Variants in KIF5B observed in about 807,000 individuals in gnomAD.
The protein encoded by KIF5B is kinesin-1 heavy chain.
KIF5B carries 49 observed loss-of-function variants against 132.8 expected under a neutral mutation model. The observed-to-expected ratio is 0.37, with a 90% confidence interval of 0.29 to 0.47. The LOEUF is 0.47. Ranked by LOEUF, KIF5B falls within the 20% of genes least tolerant of loss-of-function variation. The pLI, the probability that KIF5B is intolerant of heterozygous loss-of-function variation, is 1.00. For missense variants in KIF5B, 780 were observed against 1,144.0 expected, an observed-to-expected ratio of 0.68 and a Z score of 4.59; for synonymous variants, 355 against 369.4, an observed-to-expected ratio of 0.96 and a Z score of 0.45.
chr10:32,011,929 TAA>T (rs146662607), intron 25 of KIF5B, among the ~76,000 whole-genome samples: 15,121 of 147,874 alleles, frequency 0.1, 849 homozygotes, highest in Non-Finnish European at 0.12. Flanking sequence ...ATAGAAGCTT[TAA>T]AAAAAAAAGG....
At chr10:32,023,506 G>A (rs1348907481) in intron 15 of KIF5B, among the ~76,000 whole-genome samples, 1 of 152,134 alleles carries the variant, frequency 6.6e-6, no homozygotes, top group African/African-American at 2.4e-5. Context: ...TTCACCTTCA[G>A]GAAGAAATAA....
chr10:32,043,459 T>C lies in KIF5B; in HGVS notation c.215-3002A>G, dbSNP rs201917483. On this transcript the variant is annotated intron_variant, in intron 2 of 25. Transcript: ENST00000302418. ...AGACCTGCTCTTAACCACTGTACTA[T>C]ATACTCAAGGAGCAGAGGAACCAAA... Among the ~76,000 whole-genome samples the C allele has an allele frequency of 7.2e-5, 11 of 152,130 alleles. No homozygotes were observed. The East Asian group carries it at 2.1e-3, about 29-fold the overall frequency.
Position 32,048,679 on chromosome 10 carries a change from C to T in KIF5B, c.127-128G>A, listed in dbSNP as rs1841648250. ...ATACCTAGTATGCATAATTTGGTAT[C>T]ATTGAATCTTTGAAGTAGAAGGGAT... On this transcript the variant is annotated intron_variant, in intron 1 of 25. Coordinates refer to ENST00000302418, the MANE Select transcript of KIF5B (RefSeq NM_004521.3). 7 of 593,880 alleles carry T rather than the reference C, an allele frequency of 1.2e-5. No individual in the cohort carries two copies. The South Asian group carries it at 1.3e-4, about 11-fold the overall frequency. 36.8% of individuals were successfully genotyped at this position (593,880 alleles called of 1,614,324 possible). A position where few individuals can be genotyped will look rare whatever the true frequency, so the allele number is the denominator to read the frequency against.
intron 5 of KIF5B, among the ~76,000 whole-genome samples, chr10:32,038,564 T>C (rs1311218970): frequency 6.6e-6 from 1 of 152,196 alleles, no homozygotes; most frequent in East Asian, 1.9e-4. Context: ...AGTCCAATGC[T>C]CTAATTACTA....
intron 16 of KIF5B, among the ~76,000 whole-genome samples, chr10:32,022,588 C>T (rs1044696487): frequency 6.6e-6 from 1 of 152,190 alleles, no homozygotes; most frequent in Admixed American, 6.5e-5. Flanking sequence ...TGGTTCCCTG[C>T]AGTTTTGCCC....
intron 25 of KIF5B, 61 bp downstream of exon 25, chr10:32,015,448 A>G: frequency 7.5e-7 from 1 of 1,325,564 alleles, no homozygotes. Context: ...AAAACCAAAA[A>G]ACCTATTTAA....
At position 32,040,462 on chromosome 10, in the gene KIF5B, G is replaced by A. The variant is rs1300001106; in HGVS notation, c.215-5C>T. On this transcript the variant is annotated splice_polypyrimidine_tract_variant and splice_region_variant and intron_variant, in intron 2 of 25. Transcript: ENST00000302418. ...CATTATATCCTTCAAGTACATCTATGAGAAAAGATTTTATAGTTCAGGGGA... is the reference window on the plus strand; with the variant it reads ...CATTATATCCTTCAAGTACATCTATAAGAAAAGATTTTATAGTTCAGGGGA... The A allele has an allele frequency of 1.3e-6, 2 of 1,540,226 alleles. No homozygotes were observed. The highest frequency in any genetic ancestry group is 3.3e-5 in the Admixed American group (2 of 59,708).
intron 15 of KIF5B, among the ~76,000 whole-genome samples, chr10:32,024,883 C>G (rs548086326): frequency 6.6e-6 from 1 of 152,180 alleles, no homozygotes; most frequent in Admixed American, 6.5e-5. Context: ...TCGAAACCAG[C>G]CTGGACAATA....
At chr10:32,040,657 A>ACACACACACCCC (rs370537671) in intron 2 of KIF5B, among the ~76,000 whole-genome samples, 200 bp from the exon 3 acceptor site, 81 of 137,688 alleles carry the variant, frequency 5.9e-4, no homozygotes, top group African/African-American at 1.6e-3. Flanking sequence ...ACACACACAC[A>ACACACACACCCC]CCCTCTTCCT....
chr10:32,032,507 G>T (rs1841414630), intron 13 of KIF5B, among the ~76,000 whole-genome samples, 199 bp downstream of exon 13: 9 of 152,106 alleles, frequency 5.9e-5, no homozygotes, highest in Admixed American at 5.9e-4. Flanking sequence ...TGAAAAAAAA[G>T]ATGGCGGAAA....
At chr10:32,048,329 A>G in intron 2 of KIF5B, 135 bp downstream of exon 2, 1 of 593,478 alleles carries the variant, frequency 1.7e-6, no homozygotes, top group Non-Finnish European at 3.0e-6. Context: ...CCTTTTTATT[A>G]TTTAAACAAC....
intron 15 of KIF5B, among the ~76,000 whole-genome samples, chr10:32,026,848 C>CT: frequency 6.6e-6 from 1 of 152,222 alleles, no homozygotes; most frequent in East Asian, 1.9e-4. Context: ...CATTACTTCA[C>CT]CATAAACAGA....
Position 32,022,870 on chromosome 10 carries a change from G to A in KIF5B, c.1892C>T (p.Ala631Val). The A allele has an allele frequency of 6.2e-7, 1 of 1,610,572 alleles. No homozygotes were observed. Among genetic ancestry groups the A allele is most frequent in the South Asian group, 1.1e-5 (1 of 90,584 alleles). ...KMEENEKELAACQLRISQHEA... is the reference protein window; with the variant it reads ...KMEENEKELAVCQLRISQHEA... ...TACTTGAGAGATACGAAGCTGACATGCTGCTAACTCCTTTTCATTTTCTTC... is the reference window on the plus strand; with the variant it reads ...TACTTGAGAGATACGAAGCTGACATACTGCTAACTCCTTTTCATTTTCTTC... Residue 631 changes from alanine (A) to valine (V), a missense_variant, in exon 16 of 26, where the codon GCA becomes GTA. Transcript: ENST00000302418.
chr10:32,040,474 T>G lies in KIF5B; in HGVS notation c.215-17A>C, dbSNP rs1453755704. The G allele has an allele frequency of 6.9e-7, 1 of 1,451,238 alleles. No individual in the cohort carries two copies. Among genetic ancestry groups the G allele is most frequent in the South Asian group, 1.1e-5 (1 of 87,632 alleles). 89.9% of individuals were successfully genotyped at this position (1,451,238 alleles called of 1,614,324 possible). On this transcript the variant is annotated splice_polypyrimidine_tract_variant and intron_variant, in intron 2 of 25. Transcript: ENST00000302418. ...CAAGTACATCTATGAGAAAAGATTT[T>G]ATAGTTCAGGGGATTTTTTCCTTAA...
At chr10:32,055,029 TTCTG>T (rs969291046) in intron 1 of KIF5B, among the ~76,000 whole-genome samples, 1 of 152,210 alleles carries the variant, frequency 6.6e-6, no homozygotes, top group Admixed American at 6.5e-5. Context: ...TTATAACACT[TTCTG>T]TCTGATACAA....
At chr10:32,027,916 T>C (rs997832241) in intron 15 of KIF5B, among the ~76,000 whole-genome samples, 7 of 152,218 alleles carry the variant, frequency 4.6e-5, no homozygotes, top group African/African-American at 1.7e-4. Context: ...GAACTAATCT[T>C]AATTGTTGTT....
intron 3 of KIF5B, among the ~76,000 whole-genome samples, chr10:32,039,912 C>T (rs1841510258): frequency 6.6e-6 from 1 of 152,146 alleles, no homozygotes; most frequent in South Asian, 2.1e-4. Context: ...GGCAGAAAAT[C>T]ACAGGCTGTT....
intron 15 of KIF5B, among the ~76,000 whole-genome samples, chr10:32,024,410 T>TCCCAAA (rs1401372865): frequency 6.7e-6 from 1 of 148,206 alleles, no homozygotes. Flanking sequence ...CGCCTCGGCC[T>TCCCAAA]CCCAAAGTGC....
In KIF5B at chr10:32,018,575, GAACA is replaced by G. The variant is rs770499672; in HGVS notation, c.2307-17_2307-14del. 4 of 1,586,924 alleles carry G rather than the reference GAACA, an allele frequency of 2.5e-6. No individual in the cohort carries two copies. The highest frequency in any genetic ancestry group is 1.7e-6 in the Non-Finnish European group (2 of 1,167,560). Reference sequence around the variant, plus strand: ...ATCTTGCATAACCCTAACAGTAGAAGAACAAACATATATTTTCAAATTTTATTCT... The same window carrying G: ...ATCTTGCATAACCCTAACAGTAGAAGAACATATATTTTCAAATTTTATTCT... On this transcript the variant is annotated splice_polypyrimidine_tract_variant and intron_variant, in intron 20 of 25. Coordinates refer to ENST00000302418, the MANE Select transcript of KIF5B (RefSeq NM_004521.3).
Sources: allele counts gnomAD v4.1 joint callset (sites outside exome capture counted in the v4.1 genomes callset), GRCh38; gene constraint gnomAD v4.1.1; transcripts MANE v1.5; gene names NCBI Gene and HGNC (gene_info 2026-07-23, HGNC 2026-07-21).